Variants in OSBP2 observed in about 807,000 individuals in gnomAD.
The protein encoded by OSBP2 is oxysterol binding protein 2.
Under a neutral mutation model 96.0 loss-of-function variants are expected in OSBP2, and 66 were observed. The observed-to-expected ratio is 0.69, with a 90% CI of 0.56 to 0.84. The LOEUF (loss-of-function observed/expected upper bound fraction) is 0.84, where lower values mean the gene tolerates loss of function less well. OSBP2 is among the 40% of genes least tolerant of loss of function. The pLI, the probability that OSBP2 is intolerant of heterozygous loss-of-function variation, is 0.00. For synonymous variants in OSBP2, 525 were observed against 520.9 expected (o/e 1.01, Z -0.11); for missense variants, 1,038 against 1,222.7 (o/e 0.85, Z 2.25).
chr22:30,813,909 T>C (rs1462078610), intron 2 of OSBP2, among the ~76,000 whole-genome samples: 2 of 151,986 alleles, frequency 1.3e-5, no homozygotes, highest in Non-Finnish European at 2.9e-5. Flanking sequence ...TTCAAGCAAT[T>C]CTCCTGCCTC....
At chr22:30,795,762 G>A (rs183453330) in intron 2 of OSBP2, among the ~76,000 whole-genome samples, 7 of 151,826 alleles carry the variant, frequency 4.6e-5, no homozygotes, top group Non-Finnish European at 8.8e-5. Context: ...CAGGTGATCC[G>A]CCTGCCTTGG....
In OSBP2 at chr22:30,852,529, T is replaced by A. The variant is rs766078046; in HGVS notation, c.854-17900T>A. ...ATCATTGATAATTTGTATTTTTTTT[T>A]ATTTCTTGACTGCCCTAGCTAGAGA... On this transcript the variant is annotated intron_variant, in intron 2 of 13. Coordinates refer to ENST00000332585, the MANE Select transcript of OSBP2 (RefSeq NM_030758.4). Among the ~76,000 whole-genome samples the A allele has an allele frequency of 6.6e-5, 10 of 152,218 alleles. No individual in the cohort carries two copies. The East Asian group carries it at 7.7e-4, about 12-fold the overall frequency.
chr22:30,894,900 G>A (rs1602433075), intron 12 of OSBP2, among the ~76,000 whole-genome samples: 3 of 152,284 alleles, frequency 2.0e-5, no homozygotes, highest in South Asian at 2.1e-4. Context: ...GAATGAAGGT[G>A]AAATCAAGGC....
chr22:30,889,609 C>A lies in OSBP2; in HGVS notation c.1596C>A (p.Gly532=), dbSNP rs2039898060. The change falls in exon 7 of 14, where the codon GGC becomes GGA. Residue 532 remains glycine (G), a synonymous_variant. Coordinates refer to ENST00000332585, the MANE Select transcript of OSBP2 (RefSeq NM_030758.4). ...GGAGCATCATGAAGAACTGCATCGG[C>A]CGGGAGCTCTCCAGGATCCCCATGC... ...NLWSIMKNCI[G]RELSRIPMPV... is the part of the protein sequence containing the mutation. The A allele has an allele frequency of 6.2e-7, 1 of 1,613,886 alleles. No individual in the cohort carries two copies. Among genetic ancestry groups the A allele is most frequent in the African/African-American group, 1.3e-5 (1 of 74,920 alleles).
chr22:30,810,953 A>G (rs2090997979), intron 2 of OSBP2, among the ~76,000 whole-genome samples: 1 of 152,200 alleles, frequency 6.6e-6, no homozygotes, highest in African/African-American at 2.4e-5. Context: ...CACTCTCTCC[A>G]ATTGTAATTT....
At chr22:30,745,780 A>C (rs2089992942) in intron 2 of OSBP2, among the ~76,000 whole-genome samples, 1 of 152,052 alleles carries the variant, frequency 6.6e-6, no homozygotes, top group Admixed American at 6.6e-5. Context: ...AGACTGACGT[A>C]GTTGGTAAAC....
chr22:30,759,240 C>T (rs957481515), intron 2 of OSBP2, among the ~76,000 whole-genome samples: 5 of 152,170 alleles, frequency 3.3e-5, no homozygotes, highest in Admixed American at 6.5e-5. Context: ...CCCAGCTACT[C>T]GGGAGGCTGA....
intron 1 of OSBP2, among the ~76,000 whole-genome samples, chr22:30,702,685 T>C (rs937305270): frequency 6.6e-6 from 1 of 152,134 alleles, no homozygotes; most frequent in Non-Finnish European, 1.5e-5. Flanking sequence ...GATCCCTGTA[T>C]TGAATTTCTC....
rs551879275 is a variant in OSBP2 at position 30,902,300 on chromosome 22, AGGAGTGTAC to A, written c.2376-3534_2376-3526del. ...TGCTATCTTTAAGGATCTCAGCATAAGGAGTGTACGGGTAGTCAGAGACAAAGACACAGA... is the reference window on the plus strand; with the variant it reads ...TGCTATCTTTAAGGATCTCAGCATAAGGGTAGTCAGAGACAAAGACACAGA... On this transcript the variant is annotated intron_variant, in intron 12 of 13. Transcript: ENST00000332585. 3,583 of 1,590,620 alleles carry A rather than the reference AGGAGTGTAC, an allele frequency of 2.3e-3. 10 individuals are homozygous for A. Among genetic ancestry groups the A allele is most frequent in the Non-Finnish European group, 2.9e-3 (3,338 of 1,160,292 alleles).
Position 30,902,125 on chromosome 22 carries a change from CGAAAAAAAAAA to C in OSBP2, c.2376-3711_2376-3701del, listed in dbSNP as rs1402433769. Reference sequence around the variant, plus strand: ...AGCAATATAAGAAAAAAAAAAAAAACGAAAAAAAAAAAACCAAAAAAAAAAAACAGAGGGTC... The same window carrying C: ...AGCAATATAAGAAAAAAAAAAAAAACAACCAAAAAAAAAAAACAGAGGGTC... On this transcript the variant is annotated intron_variant, in intron 12 of 13. Transcript: ENST00000332585. 136 of 233,082 alleles carry C rather than the reference CGAAAAAAAAAA, an allele frequency of 5.8e-4. 1 individual carries two copies. Among genetic ancestry groups the C allele is most frequent in the African/African-American group, 3.7e-3 (125 of 34,048 alleles). The allele number at this position is 233,082 out of a possible 1,614,324, so 14.4% of individuals were successfully genotyped here.
At position 30,815,736 on chromosome 22, in the gene OSBP2, C is replaced by CT. The variant is rs565900636; in HGVS notation, c.854-54685dup. ...AACAGTTTCTATCTTTCTCTTTTTTCTTTTTTTTAAAAATTTCTTAGCCCA... is the reference window on the plus strand; with the variant it reads ...AACAGTTTCTATCTTTCTCTTTTTTCTTTTTTTTTAAAAATTTCTTAGCCCA... On this transcript the variant is annotated intron_variant, in intron 2 of 13. Coordinates refer to ENST00000332585, the MANE Select transcript of OSBP2 (RefSeq NM_030758.4). Among the ~76,000 whole-genome samples the CT allele has an allele frequency of 7.2e-5, 11 of 151,822 alleles. No individual in the cohort carries two copies. In the East Asian group the frequency reaches 1.7e-3, roughly 24 times the overall value.
At chr22:30,719,387 A>T (rs967624857) in intron 1 of OSBP2, among the ~76,000 whole-genome samples, 4 of 151,946 alleles carry the variant, frequency 2.6e-5, no homozygotes, top group Admixed American at 2.6e-4. Context: ...ATGAATGGGA[A>T]GCTGATTAGA....
intron 12 of OSBP2, 25 bp from the exon 13 acceptor site, chr22:30,905,812 G>A (rs755507574): frequency 8.7e-6 from 14 of 1,609,846 alleles, no homozygotes; most frequent in East Asian, 2.2e-5. Context: ...CGCAGCCACC[G>A]CCACCGCCAC....
At chr22:30,875,861 C>T (rs1326959523) in intron 3 of OSBP2, among the ~76,000 whole-genome samples, 1 of 152,242 alleles carries the variant, frequency 6.6e-6, no homozygotes, top group Non-Finnish European at 1.5e-5. Context: ...GCCTCCTGAT[C>T]CCTGCCCAGG....
intron 2 of OSBP2, among the ~76,000 whole-genome samples, chr22:30,832,797 G>A (rs1321322665): frequency 2.0e-5 from 3 of 152,176 alleles, no homozygotes; most frequent in Non-Finnish European, 4.4e-5. Context: ...AGAAGGAAGG[G>A]GAGGTGACCC....
intron 2 of OSBP2, among the ~76,000 whole-genome samples, chr22:30,836,228 G>T (rs2038629593): frequency 6.6e-6 from 1 of 152,126 alleles, no homozygotes; most frequent in South Asian, 2.1e-4. Context: ...TTATAATACA[G>T]TTTGATATCT....
intron 2 of OSBP2, among the ~76,000 whole-genome samples, chr22:30,785,370 A>G (rs1401058979): frequency 6.6e-6 from 1 of 151,752 alleles, no homozygotes; most frequent in Non-Finnish European, 1.5e-5. Flanking sequence ...GCAGTTTGAG[A>G]CCAGCCTGGC....
intron 2 of OSBP2, among the ~76,000 whole-genome samples, chr22:30,789,874 C>T (rs2090647693): frequency 6.6e-6 from 1 of 152,158 alleles, no homozygotes; most frequent in Non-Finnish European, 1.5e-5. Flanking sequence ...CCAGTAAAAA[C>T]TTTGTTCCCA....
intron 2 of OSBP2, among the ~76,000 whole-genome samples, chr22:30,766,839 G>A (rs2090276844): frequency 6.6e-6 from 1 of 152,122 alleles, no homozygotes; most frequent in African/African-American, 2.4e-5. Context: ...GGGAAATGAG[G>A]TTTTGGGGGA....
Sources: allele counts gnomAD v4.1 joint callset (sites outside exome capture counted in the v4.1 genomes callset), GRCh38; gene constraint gnomAD v4.1.1; transcripts MANE v1.5; gene names NCBI Gene and HGNC (gene_info 2026-07-23, HGNC 2026-07-21).